NPAS3: variants seen among roughly 807,000 people sequenced by gnomAD.
The protein encoded by NPAS3 is neuronal PAS domain-containing protein 3.
In NPAS3, 14 loss-of-function variants were observed where a neutral mutation model predicts 73.1. That is an observed-to-expected ratio of 0.19 (90% CI 0.13 to 0.30). The LOEUF is 0.30. Among genes scored for constraint, NPAS3 ranks in the 10% least tolerant of loss-of-function variants. The pLI is 1.00. For synonymous variants in NPAS3, 620 were observed against 541.5 expected (o/e 1.14, Z -2.01); for missense variants, 1,096 against 1,250.0 (o/e 0.88, Z 1.86).
intron 4 of NPAS3, among the ~76,000 whole-genome samples, chr14:33,539,358 C>A (rs1466152841): frequency 6.6e-6 from 1 of 151,890 alleles, no homozygotes; most frequent in Non-Finnish European, 1.5e-5. Context: ...GATGTGGTCT[C>A]CAAGAAGGCA....
intron 4 of NPAS3, among the ~76,000 whole-genome samples, chr14:33,408,935 T>A (rs1457089141): frequency 1.3e-5 from 2 of 152,180 alleles, no homozygotes; most frequent in Non-Finnish European, 2.9e-5. Context: ...CTATCAATTA[T>A]TTTGTTGATA....
chr14:33,562,582 T>A (rs2139765998), intron 5 of NPAS3, among the ~76,000 whole-genome samples: 1 of 152,330 alleles, frequency 6.6e-6, no homozygotes, highest in South Asian at 2.1e-4. Context: ...TATTTAAAAG[T>A]GATTTTTGCG....
chr14:33,612,351 C>A, intron 5 of NPAS3: 1 of 454,090 alleles, frequency 2.2e-6, no homozygotes, highest in Non-Finnish European at 4.4e-6. Context: ...TTATCATCGC[C>A]CACATTCTGC....
At chr14:33,091,306 A>T (rs1167514286) in intron 2 of NPAS3, among the ~76,000 whole-genome samples, 5 of 152,214 alleles carry the variant, frequency 3.3e-5, no homozygotes, top group African/African-American at 4.8e-5. Context: ...GATAAAGGGG[A>T]TATCACCACC....
intron 2 of NPAS3, among the ~76,000 whole-genome samples, chr14:33,056,461 A>G (rs746710403): frequency 8.5e-5 from 13 of 152,378 alleles, no homozygotes; most frequent in Non-Finnish European, 1.8e-4. Context: ...ACTGTCATGT[A>G]GCAGACTTAA....
In NPAS3 at chr14:32,999,467, C is replaced by T. The variant is rs563621615; in HGVS notation, c.51-56438C>T. Among the ~76,000 whole-genome samples the T allele has an allele frequency of 3.8e-3, 579 of 151,764 alleles. 1 individual carries two copies. Among genetic ancestry groups the T allele is most frequent in the Non-Finnish European group, 5.5e-3 (373 of 67,928 alleles). On this transcript the variant is annotated intron_variant, in intron 1 of 11. Coordinates refer to ENST00000356141, the Ensembl canonical transcript of NPAS3. Reference sequence around the variant, plus strand: ...CAGAGCTTGCAGTGAGCAGAGATCACACCACTGCACTCCAGCCTGGGTGAC... The same window carrying T: ...CAGAGCTTGCAGTGAGCAGAGATCATACCACTGCACTCCAGCCTGGGTGAC...
rs574227914 is a variant in NPAS3 at position 33,330,364 on chromosome 14, T to G, written c.386-36822T>G. Among the ~76,000 whole-genome samples the G allele has an allele frequency of 2.6e-5, 4 of 152,336 alleles. No individual in the cohort carries two copies. In the South Asian group the frequency reaches 8.3e-4, roughly 32 times the overall value. On this transcript the variant is annotated intron_variant, in intron 3 of 11. Transcript: ENST00000356141. ...AAAACATTTGTGTTCTCCAAATGAA[T>G]GATCTCCAGATTCATTTTAGTGCAC... is the stretch of plus-strand genomic sequence containing the variant.
At chr14:32,992,585 T>A (rs2038379730) in intron 1 of NPAS3, among the ~76,000 whole-genome samples, 1 of 152,078 alleles carries the variant, frequency 6.6e-6, no homozygotes, top group South Asian at 2.1e-4. Context: ...TAGTTATTGA[T>A]GTTTTGGAAG....
intron 6 of NPAS3, among the ~76,000 whole-genome samples, chr14:33,733,870 A>G (rs1404838672): frequency 6.6e-6 from 1 of 152,180 alleles, no homozygotes; most frequent in African/African-American, 2.4e-5. Flanking sequence ...AAAATAGGAA[A>G]ACATAGTCAT....
chr14:33,027,315 C>T (rs1031983926), intron 1 of NPAS3, among the ~76,000 whole-genome samples: 3 of 152,118 alleles, frequency 2.0e-5, no homozygotes, highest in Non-Finnish European at 2.9e-5. Context: ...CAGAGAAAGA[C>T]GTGCTTGGGC....
chr14:33,773,559 A>C (rs2062721340), intron 7 of NPAS3, among the ~76,000 whole-genome samples: 1 of 152,234 alleles, frequency 6.6e-6, no homozygotes, highest in South Asian at 2.1e-4. Flanking sequence ...GTTTATATGC[A>C]AAGTTTGCTT....
At chr14:33,409,073 C>T (rs1434590372) in intron 4 of NPAS3, among the ~76,000 whole-genome samples, 1 of 152,152 alleles carries the variant, frequency 6.6e-6, no homozygotes, top group East Asian at 1.9e-4. Flanking sequence ...TATTTAACTG[C>T]TTCATGCTTT....
intron 5 of NPAS3, among the ~76,000 whole-genome samples, chr14:33,576,799 A>T (rs1050361971): frequency 4.6e-5 from 7 of 152,196 alleles, no homozygotes; most frequent in Non-Finnish European, 1.0e-4. Context: ...ATTCCTACCC[A>T]GTCCCGAGTA....
intron 3 of NPAS3, among the ~76,000 whole-genome samples, chr14:33,316,460 C>T (rs1156253233): frequency 1.3e-5 from 2 of 152,014 alleles, no homozygotes; most frequent in African/African-American, 4.8e-5. Context: ...ACAGGCCCTG[C>T]AGATTTATCA....
chr14:33,275,480 C>T (rs1044658274), intron 3 of NPAS3, among the ~76,000 whole-genome samples: 1 of 152,132 alleles, frequency 6.6e-6, no homozygotes, highest in African/African-American at 2.4e-5. Flanking sequence ...ACTATTTCAC[C>T]AAACCAATTT....
At chr14:33,190,080 G>T (rs2046115010) in intron 2 of NPAS3, among the ~76,000 whole-genome samples, 2 of 152,112 alleles carry the variant, frequency 1.3e-5, no homozygotes, top group South Asian at 4.1e-4. Flanking sequence ...AATACATCAA[G>T]AAAATGCATA....
At chr14:33,106,529 T>C (rs935781261) in intron 2 of NPAS3, among the ~76,000 whole-genome samples, 1 of 152,158 alleles carries the variant, frequency 6.6e-6, no homozygotes, top group Non-Finnish European at 1.5e-5. Flanking sequence ...CAAATCATTA[T>C]CCCAACAAAG....
At chr14:32,957,421 G>T (rs1306195048) in intron 1 of NPAS3, among the ~76,000 whole-genome samples, 2 of 150,690 alleles carry the variant, frequency 1.3e-5, no homozygotes, top group African/African-American at 4.9e-5. Context: ...GCGCAGGCTG[G>T]AGTGCAGTGG....
intron 2 of NPAS3, among the ~76,000 whole-genome samples, chr14:33,082,719 C>T (rs7145093): frequency 0.079 from 11,972 of 152,290 alleles, 554 homozygotes; most frequent in Admixed American, 0.095. Flanking sequence ...AATCTCAGCT[C>T]TGCCACTTGG....
Sources: gnomAD v4.1 joint callset for allele counts (sites outside exome capture counted in the v4.1 genomes callset) on GRCh38, gnomAD v4.1.1 for gene constraint, MANE v1.5 for transcripts, NCBI Gene and HGNC (gene_info 2026-07-23, HGNC 2026-07-21) for gene names.